Variants in PDIA3 observed in about 807,000 individuals in gnomAD.
PDIA3 encodes protein disulfide isomerase family A member 3, also known as protein disulfide-isomerase A3.
Under a neutral mutation model 56.9 loss-of-function variants are expected in PDIA3, and 16 were observed. The observed-to-expected ratio is 0.28, with a 90% CI of 0.19 to 0.43. PDIA3 has a LOEUF of 0.43. Among genes scored for constraint, PDIA3 ranks in the 20% least tolerant of loss-of-function variants. The pLI, the probability that PDIA3 is intolerant of heterozygous loss-of-function variation, is 1.00. For synonymous variants in PDIA3, 192 were observed against 216.5 expected (o/e 0.89, Z 0.99); for missense variants, 485 against 621.3 (o/e 0.78, Z 2.33).
chr15:43,765,739 G>A, intron 6 of PDIA3, 148 bp from the exon 7 acceptor site: 1 of 896,608 alleles, frequency 1.1e-6, no homozygotes, highest in Non-Finnish European at 1.8e-6. Context: ...AACTCCTGTT[G>A]TCATCCTGTA....
chr15:43,756,942 T>C (rs182769312), intron 3 of PDIA3, among the ~76,000 whole-genome samples, 176 bp downstream of exon 3: 138 of 152,308 alleles, frequency 9.1e-4, no homozygotes, highest in Non-Finnish European at 1.7e-3. Flanking sequence ...ATATAAGTAA[T>C]ATAGAAAATA....
chr15:43,767,031 G>T lies in PDIA3; in HGVS notation c.1028+121G>T, dbSNP rs577383069. The T allele has an allele frequency of 2.7e-5, 24 of 893,036 alleles. No individual in the cohort carries two copies. In the African/African-American group the frequency reaches 3.5e-4, roughly 13 times the overall value. The allele number at this position is 893,036 out of a possible 1,614,324, so 55.3% of individuals were successfully genotyped here. A position where few individuals can be genotyped will look rare whatever the true frequency, so the allele number is the denominator to read the frequency against. On this transcript the variant is annotated intron_variant, in intron 8 of 12. Coordinates refer to ENST00000300289, the MANE Select transcript of PDIA3 (RefSeq NM_005313.5). The stretch of plus-strand genomic sequence containing the variant: ...GATAGGTCTTTTAATCAAGACCTAT[G>T]ACTGTCATTTTTCTCAATTTAAATA...
rs1329333583 is a variant in PDIA3 at position 43,746,929 on chromosome 15, G to A, written c.167+223G>A. The stretch of plus-strand genomic sequence containing the variant: ...AACCCGAAGGCTGCGCTCACGCAGG[G>A]CCTCATCCTTATCTCGGTGCTCTTG... On this transcript the variant is annotated intron_variant, in intron 1 of 12. Transcript: ENST00000300289. 3 of 581,468 alleles carry A rather than the reference G, an allele frequency of 5.2e-6. No individual in the cohort carries two copies. The East Asian group carries it at 8.7e-5, about 17-fold the overall frequency. The allele number at this position is 581,468 out of a possible 1,614,324, so 36.0% of individuals were successfully genotyped here. A position where few individuals can be genotyped will look rare whatever the true frequency, so the allele number is the denominator to read the frequency against.
chr15:43,749,259 A>G (rs528623016), intron 1 of PDIA3, among the ~76,000 whole-genome samples: 1 of 151,462 alleles, frequency 6.6e-6, no homozygotes, highest in Admixed American at 6.6e-5. Context: ...AAGCCCGGCT[A>G]ATTTTTGTAT....
In PDIA3 at chr15:43,765,567, G is replaced by GT. The variant is rs774855420; in HGVS notation, c.719+2dup. 8.1e-6 allele frequency: 12 copies of GT among 1,487,622 alleles called. No individual in the cohort carries two copies. Among genetic ancestry groups the GT allele is most frequent in the Non-Finnish European group, 1.1e-5 (12 of 1,067,216 alleles). The allele number at this position is 1,487,622 out of a possible 1,614,324, so 92.2% of individuals were successfully genotyped here. On this transcript the variant is annotated splice_donor_variant, in intron 6 of 12. Transcript: ENST00000300289. LOFTEE classifies it high-confidence loss of function. ...TTAAAAAGTTTATCCAGGAAAACAT[G>GT]TGAGTACTTCTTTGTATCTTGTCTG...
chr15:43,768,035 C>CTA (rs1263645959), intron 8 of PDIA3, among the ~76,000 whole-genome samples: 1 of 152,120 alleles, frequency 6.6e-6, no homozygotes, highest in Non-Finnish European at 1.5e-5. Context: ...CCCCTCATCC[C>CTA]TACAGAATGT....
Position 43,771,254 on chromosome 15 carries a change from TC to T in PDIA3, c.*38del, listed in dbSNP as rs372969033. On this transcript the variant is annotated 3_prime_UTR_variant, in exon 13 of 13. Transcript: ENST00000300289. ...AAACACCACTTTGTAAAAGGACTCTTCCATCAGAGATGGGAAAACCATTGGG... is the reference window on the plus strand; with the variant it reads ...AAACACCACTTTGTAAAAGGACTCTTCATCAGAGATGGGAAAACCATTGGG... 5.4e-4 allele frequency: 724 copies of T among 1,348,460 alleles called. 2 individuals are homozygous for T. The African/African-American group carries it at 9.6e-3, about 18-fold the overall frequency. The allele number at this position is 1,348,460 out of a possible 1,614,324, so 83.5% of individuals were successfully genotyped here.
chr15:43,747,805 A>G (rs1438990797), intron 1 of PDIA3, among the ~76,000 whole-genome samples: 2 of 152,156 alleles, frequency 1.3e-5, no homozygotes, highest in Admixed American at 6.6e-5. Context: ...CTTAGCCTCA[A>G]ACAACTTGCT....
chr15:43,751,636 T>G, intron 1 of PDIA3: 1 of 1,304,210 alleles, frequency 7.7e-7, no homozygotes, highest in Admixed American at 2.3e-5. Flanking sequence ...TCATTGAAAC[T>G]CTTTTTGTGG....
chr15:43,750,916 A>G (rs1227874877), intron 1 of PDIA3, among the ~76,000 whole-genome samples: 1 of 152,020 alleles, frequency 6.6e-6, no homozygotes, highest in Non-Finnish European at 1.5e-5. Flanking sequence ...GCAGATCACG[A>G]GGTTCAGGAG....
intron 8 of PDIA3, among the ~76,000 whole-genome samples, chr15:43,767,830 G>A (rs1469120230): frequency 1.4e-5 from 2 of 145,936 alleles, no homozygotes; most frequent in Non-Finnish European, 3.0e-5. Context: ...CTTTGGGCCA[G>A]ATGTGGTGGC....
intron 5 of PDIA3, among the ~76,000 whole-genome samples, chr15:43,763,545 A>AC (rs1349827535): frequency 6.6e-6 from 1 of 152,026 alleles, no homozygotes; most frequent in Non-Finnish European, 1.5e-5. Context: ...GAGCCACCGC[A>AC]CCCAGCTGAA....
chr15:43,757,666 C>A (rs2086788173), intron 3 of PDIA3, among the ~76,000 whole-genome samples: 1 of 151,874 alleles, frequency 6.6e-6, no homozygotes, highest in African/African-American at 2.4e-5. Context: ...TGAGGCCAGC[C>A]TGGCCAGCAT....
intron 12 of PDIA3, 28 bp from the exon 13 acceptor site, chr15:43,771,077 A>C (rs2086878979): frequency 6.7e-7 from 1 of 1,498,246 alleles, no homozygotes; most frequent in Non-Finnish European, 9.2e-7. Flanking sequence ...AAAAAGTTAC[A>C]CTTTTAAGCT....
Position 43,771,670 on chromosome 15 carries a change from G to T in PDIA3, c.*452G>T. ...CAGTACAGGTAGCTACGGAGCATCT[G>T]AAATATGGCTAGAAACTACATTTTT... On this transcript the variant is annotated 3_prime_UTR_variant, in exon 13 of 13. Transcript: ENST00000300289. 2.5e-6 allele frequency: 1 copy of T among 398,862 alleles called. No individual in the cohort carries two copies. Among genetic ancestry groups the T allele is most frequent in the South Asian group, 1.3e-4 (1 of 7,794 alleles). The allele number at this position is 398,862 out of a possible 1,614,324, so 24.7% of individuals were successfully genotyped here. A position where few individuals can be genotyped will look rare whatever the true frequency, so the allele number is the denominator to read the frequency against.
At chr15:43,761,074 T>TA (rs1248494335) in intron 3 of PDIA3, among the ~76,000 whole-genome samples, 4 of 150,668 alleles carry the variant, frequency 2.7e-5, no homozygotes, top group Admixed American at 1.3e-4. Context: ...CCGTCTCTAC[T>TA]AAAAAAATAC....
At chr15:43,756,176 C>A (rs1349845898) in intron 2 of PDIA3, among the ~76,000 whole-genome samples, 2 of 152,124 alleles carry the variant, frequency 1.3e-5, no homozygotes, top group Non-Finnish European at 2.9e-5. Flanking sequence ...CAAACTAGTT[C>A]AGGGTACGTG....
At position 43,772,609 on chromosome 15, in the gene PDIA3, G is replaced by A. The variant is rs1183650883; in HGVS notation, c.*1391G>A. 1 of 152,300 alleles carries A rather than the reference G, an allele frequency of 6.6e-6. No individual in the cohort carries two copies. The highest frequency in any genetic ancestry group is 1.9e-4 in the East Asian group (1 of 5,202). 9.4% of individuals were successfully genotyped at this position (152,300 alleles called of 1,614,324 possible). ...CATATAAACTTGTACAAAGGACACA[G>A]AAGCAGTCAGTTTTAATTTTTTAGC... On this transcript the variant is annotated 3_prime_UTR_variant, in exon 13 of 13. Transcript: ENST00000300289.
chr15:43,768,565 C>G lies in PDIA3; in HGVS notation c.1105C>G (p.Pro369Ala). ...TCTGAAGAGATACCTGAAGTCTGAACCTATCCCAGAGAGCAATGATGGGCC... is the reference window on the plus strand; with the variant it reads ...TCTGAAGAGATACCTGAAGTCTGAAGCTATCCCAGAGAGCAATGATGGGCC... Reference protein sequence around the residue: ...GNLKRYLKSEPIPESNDGPVK... With the variant: ...GNLKRYLKSEAIPESNDGPVK... Residue 369 changes from proline (P) to alanine (A), a missense_variant, in exon 9 of 13, where the codon CCT (proline) becomes GCT (alanine). Coordinates refer to ENST00000300289, the MANE Select transcript of PDIA3 (RefSeq NM_005313.5). The G allele has an allele frequency of 6.2e-7, 1 of 1,613,214 alleles. No individual in the cohort carries two copies. Among genetic ancestry groups the G allele is most frequent in the Non-Finnish European group, 8.5e-7 (1 of 1,179,206 alleles).
Sources: gnomAD v4.1 joint callset for allele counts (sites outside exome capture counted in the v4.1 genomes callset) on GRCh38, gnomAD v4.1.1 for gene constraint, MANE v1.5 for transcripts, NCBI Gene and HGNC (gene_info 2026-07-23, HGNC 2026-07-21) for gene names.